The following SSC4D variants were observed in gnomAD, a reference collection of about 807,000 sequenced individuals.
SSC4D encodes the protein scavenger receptor cysteine rich family member with 4 domains.
In SSC4D, 57 loss-of-function variants were observed where a neutral mutation model predicts 63.4. The observed-to-expected ratio is 0.90, with a 90% CI of 0.73 to 1.12. The LOEUF (loss-of-function observed/expected upper bound fraction) is 1.12, where lower values mean the gene tolerates loss of function less well. Ranked by LOEUF, SSC4D falls within the 50% of genes most tolerant of loss-of-function variation. SSC4D has a pLI of 0.00. For synonymous variants in SSC4D, 352 were observed against 345.4 expected, an observed-to-expected ratio of 1.02 and a Z score of -0.21; for missense variants, 791 against 806.4, an observed-to-expected ratio of 0.98 and a Z score of 0.23.
chr7:76,397,684 C>T lies in SSC4D; in HGVS notation c.702G>A (p.Ala234=), dbSNP rs1226645505. ...AGGCGTTGGTGGTGGCGGCCATGGC[C>T]GCCCCGCAGCCCAGCTGACGACAGA... ...AVVCRQLGCG[A]AMAATTNAFF... Residue 234 remains alanine, a synonymous_variant, in exon 6 of 11, where the codon GCG becomes GCA. Transcript: ENST00000275560. 1.9e-6 allele frequency: 3 copies of T among 1,613,336 alleles called. No homozygotes were observed. Among genetic ancestry groups the T allele is most frequent in the Non-Finnish European group, 1.7e-6 (2 of 1,179,830 alleles).
At chr7:76,395,766 A>G (rs1166371410) in intron 6 of SSC4D, among the ~76,000 whole-genome samples, 1 of 152,214 alleles carries the variant, frequency 6.6e-6, no homozygotes, top group Non-Finnish European at 1.5e-5. Flanking sequence ...ATCTCCGCTC[A>G]CTGCAACCTC....
intron 1 of SSC4D, among the ~76,000 whole-genome samples, chr7:76,406,812 C>G (rs1805050279): frequency 6.6e-6 from 1 of 151,476 alleles, no homozygotes. Context: ...CAAGGCCTTT[C>G]CACCCAAAAT....
chr7:76,398,940 T>A, intron 4 of SSC4D, 143 bp from the exon 5 acceptor site: 2 of 776,340 alleles, frequency 2.6e-6, no homozygotes, highest in Non-Finnish European at 4.3e-6. Flanking sequence ...CCAGGAACAC[T>A]GGGGTATGAG....
At chr7:76,391,779 G>A (rs1051690791) in intron 10 of SSC4D, among the ~76,000 whole-genome samples, 185 bp downstream of exon 10, 1 of 152,132 alleles carries the variant, frequency 6.6e-6, no homozygotes, top group Non-Finnish European at 1.5e-5. Flanking sequence ...GTAGTTTAAA[G>A]CTCACCTCCT....
Position 76,400,573 on chromosome 7 carries a change from C to T in SSC4D, c.188G>A (p.Gly63Asp), listed in dbSNP as rs938177086. The change falls in exon 4 of 11, where the codon GGC (glycine) becomes GAC (aspartate). Residue 63 changes from glycine (G) to aspartate (D), a missense_variant. Physicochemically the swap from Gly to Asp is moderately conservative, Grantham distance 94 (BLOSUM62 -1). Coordinates refer to ENST00000275560, the MANE Select transcript of SSC4D (RefSeq NM_080744.2). ...CAGGCGGCCCCGGCAGCGGCTGGGG[C>T]CCCCCACCAGCCTCAGCTCTGTGAA... ...LPFQELRLVG[G>D]PSRCRGRLEV... The T allele has an allele frequency of 4.9e-5, 73 of 1,480,650 alleles. No individual in the cohort carries two copies. The highest frequency in any genetic ancestry group is 6.2e-5 in the Non-Finnish European group (69 of 1,111,512). The allele number at this position is 1,480,650 out of a possible 1,614,324, so 91.7% of individuals were successfully genotyped here. A position where few individuals can be genotyped will look rare whatever the true frequency, so the allele number is the denominator to read the frequency against.
chr7:76,398,219 A>G (rs1272522182), intron 5 of SSC4D, among the ~76,000 whole-genome samples: 2 of 146,178 alleles, frequency 1.4e-5, no homozygotes, highest in Non-Finnish European at 3.0e-5. Context: ...AGCACTTTTC[A>G]TTTTCTTCTT....
At position 76,404,496 on chromosome 7, in the gene SSC4D, G is replaced by C. The variant is rs1265100913; in HGVS notation, c.-57C>G. On this transcript the variant is annotated 5_prime_UTR_variant, in exon 2 of 11. Transcript: ENST00000275560. Reference sequence around the variant, plus strand: ...ATCAAGGCGCCAGGGAGAAGTCACAGTTGGAACATCTGAAATTAAAGATCC... The same window carrying C: ...ATCAAGGCGCCAGGGAGAAGTCACACTTGGAACATCTGAAATTAAAGATCC... 6.2e-7 allele frequency: 1 copy of C among 1,612,584 alleles called. No homozygotes were observed. The highest frequency in any genetic ancestry group is 1.3e-5 in the African/African-American group (1 of 75,012).
Position 76,390,035 on chromosome 7 carries a change from A to T in SSC4D, c.*24T>A. On this transcript the variant is annotated 3_prime_UTR_variant, in exon 11 of 11. Coordinates refer to ENST00000275560, the MANE Select transcript of SSC4D (RefSeq NM_080744.2). ...GGGAGGTCACAGCTCCCAGAAGAAGAGGTGGTCTGCAGAGCGGGCTGGGTC... is the reference window on the plus strand; with the variant it reads ...GGGAGGTCACAGCTCCCAGAAGAAGTGGTGGTCTGCAGAGCGGGCTGGGTC... 1 of 1,613,424 alleles carries T rather than the reference A, an allele frequency of 6.2e-7. No individual in the cohort carries two copies. Among genetic ancestry groups the T allele is most frequent in the Non-Finnish European group, 8.5e-7 (1 of 1,179,548 alleles).
intron 9 of SSC4D, among the ~76,000 whole-genome samples, chr7:76,392,288 C>G (rs961604782): frequency 3.9e-5 from 6 of 152,114 alleles, no homozygotes; most frequent in African/African-American, 1.4e-4. Flanking sequence ...GTGGCTCACA[C>G]CTGTAATCCC....
At chr7:76,393,266 G>C in intron 9 of SSC4D, 139 bp downstream of exon 9, 1 of 899,074 alleles carries the variant, frequency 1.1e-6, no homozygotes, top group Non-Finnish European at 1.4e-6. Context: ...CGCACGGCGG[G>C]GCGGCGCCCC....
chr7:76,407,831 C>G (rs1805089520), intron 1 of SSC4D, among the ~76,000 whole-genome samples: 1 of 152,234 alleles, frequency 6.6e-6, no homozygotes, highest in Non-Finnish European at 1.5e-5. Context: ...CTCACGTCCC[C>G]TTTTCTTGCA....
chr7:76,390,334 G>A lies in SSC4D; in HGVS notation c.1453C>T (p.Arg485Cys), dbSNP rs200075810. The change falls in exon 11 of 11, where the codon CGT becomes TGT. Residue 485 changes from arginine (R) to cysteine (C), a missense_variant. Coordinates refer to ENST00000275560, the MANE Select transcript of SSC4D (RefSeq NM_080744.2). ...LVNGAHRCEG[R>C]VELYLGQRWG... Reference sequence around the variant, plus strand: ...CGTTGCCCTAGGTAGAGCTCTACACGTCCCTCGCATCGGTGGGCTCCATTG... The same window carrying A: ...CGTTGCCCTAGGTAGAGCTCTACACATCCCTCGCATCGGTGGGCTCCATTG... The A allele has an allele frequency of 3.1e-6, 5 of 1,608,764 alleles. No individual in the cohort carries two copies. The highest frequency in any genetic ancestry group is 3.4e-6 in the Non-Finnish European group (4 of 1,176,816).
Position 76,393,902 on chromosome 7 carries a change from T to G in SSC4D, c.949A>C (p.Thr317Pro), listed in dbSNP as rs1361448096. Reference sequence around the variant, plus strand: ...CGGGAAGGCTGGGGGCCAACTCCTGTAGCTGTGGAGACAGGGCATCTAGGG... The same window carrying G: ...CGGGAAGGCTGGGGGCCAACTCCTGGAGCTGTGGAGACAGGGCATCTAGGG... ...DWAWQTDPSATGVGPQPSRET... is the reference protein window; with the variant it reads ...DWAWQTDPSAPGVGPQPSRET... The change falls in exon 8 of 11, where the codon ACA (threonine) becomes CCA (proline). Residue 317 changes from threonine (T) to proline (P), a missense_variant and splice_region_variant. Thr to Pro is a conservative substitution (Grantham distance 38). Transcript: ENST00000275560. The G allele has an allele frequency of 6.2e-7, 1 of 1,602,778 alleles. No homozygotes were observed. The highest frequency in any genetic ancestry group is 1.7e-5 in the Admixed American group (1 of 58,850).
At chr7:76,393,261 G>T in intron 9 of SSC4D, 144 bp downstream of exon 9, 1 of 842,730 alleles carries the variant, frequency 1.2e-6, no homozygotes, top group Non-Finnish European at 1.6e-6. Context: ...GCGGGCGCAC[G>T]GCGGGGCGGC....
intron 1 of SSC4D, among the ~76,000 whole-genome samples, chr7:76,407,363 G>C (rs570747668): frequency 1.4e-5 from 2 of 147,734 alleles, no homozygotes; most frequent in Non-Finnish European, 3.0e-5. Flanking sequence ...ACAGAGTCTC[G>C]CCTTGTCGCC....
At chr7:76,396,491 C>T (rs569107947) in intron 6 of SSC4D, among the ~76,000 whole-genome samples, 7 of 152,358 alleles carry the variant, frequency 4.6e-5, no homozygotes, top group South Asian at 4.1e-4. Context: ...TAGCCCTGCT[C>T]AGCAAGGAGC....
chr7:76,393,950 C>A, intron 7 of SSC4D, 46 bp from the exon 8 acceptor site: 1 of 1,549,426 alleles, frequency 6.5e-7, no homozygotes, highest in Non-Finnish European at 8.7e-7. Context: ...ACGAGGAGGC[C>A]TTCTGTCCTG....
rs1804696316 is a variant in SSC4D, at chr7:76,397,975, A to G, written c.554-143T>C. 1.8e-5 allele frequency: 15 copies of G among 840,594 alleles called. No homozygotes were observed. The South Asian group carries it at 2.4e-4, about 14-fold the overall frequency. The allele number at this position is 840,594 out of a possible 1,614,324, so 52.1% of individuals were successfully genotyped here. A position where few individuals can be genotyped will look rare whatever the true frequency, so the allele number is the denominator to read the frequency against. On this transcript the variant is annotated intron_variant, in intron 5 of 10. Transcript: ENST00000275560. ...GCCCAGGGTACCGCCTCCTTGGTCC[A>G]GACTGGGGGTAGCTTGTGGGATCAT... is the stretch of plus-strand genomic sequence containing the variant.
At chr7:76,402,539 G>A (rs546041501) in intron 2 of SSC4D, among the ~76,000 whole-genome samples, 3 of 151,604 alleles carry the variant, frequency 2.0e-5, no homozygotes, top group African/African-American at 7.3e-5. Context: ...GGCTGGTCTC[G>A]AACTCTTGGC....
Sources: gnomAD v4.1 joint callset for allele counts (sites outside exome capture counted in the v4.1 genomes callset) on GRCh38, gnomAD v4.1.1 for gene constraint, MANE v1.5 for transcripts, NCBI Gene and HGNC (gene_info 2026-07-23, HGNC 2026-07-21) for gene names.